The following ROCK2 variants were observed in gnomAD, a reference collection of about 807,000 sequenced individuals.
ROCK2 encodes the protein rho-associated protein kinase 2.
A neutral mutation model predicts 195.1 loss-of-function variants in ROCK2; 61 were observed. That is an observed-to-expected ratio of 0.31 (90% CI 0.25 to 0.39). ROCK2 has a LOEUF of 0.39. Ranked by LOEUF, ROCK2 falls within the 10% of genes least tolerant of loss-of-function variation. The probability of loss-of-function intolerance (pLI) is 1.00; values close to 1 mark genes in which losing one functional copy is unlikely to be tolerated. For synonymous variants in ROCK2, 504 were observed against 545.5 expected (o/e 0.92, Z 1.06); for missense variants, 1,109 against 1,637.4 (o/e 0.68, Z 5.57).
At chr2:11,185,548 G>A (rs562262379) in intron 32 of ROCK2, among the ~76,000 whole-genome samples, 2 of 152,238 alleles carry the variant, frequency 1.3e-5, no homozygotes, top group Admixed American at 1.3e-4. Context: ...GGCCAACATG[G>A]TGAAACCATG....
At chr2:11,203,376 CAG>C (rs1663933680) in intron 20 of ROCK2, among the ~76,000 whole-genome samples, 1 of 152,078 alleles carries the variant, frequency 6.6e-6, no homozygotes, top group South Asian at 2.1e-4. Context: ...GATAAAGGCA[CAG>C]AAAACAGTCT....
Position 11,197,412 on chromosome 2 carries a change from G to C in ROCK2, c.3280-64C>G, listed in dbSNP as rs1663682948. On this transcript the variant is annotated intron_variant, in intron 26 of 32. Coordinates refer to ENST00000315872, the MANE Select transcript of ROCK2 (RefSeq NM_004850.5). The surrounding 1 kb of genome is among the most constrained non-coding windows in gnomAD (Gnocchi z 4.9). ...ACATAACTCAACATTTTGCTTCTTG[G>C]TTCAATAATAATTATTAAATAGAAA... 8 of 1,542,074 alleles carry C rather than the reference G, an allele frequency of 5.2e-6. No individual in the cohort carries two copies. In the South Asian group the frequency reaches 9.5e-5, roughly 18 times the overall value.
At chr2:11,344,815 C>T (rs551861092), upstream of ROCK2, among the ~76,000 whole-genome samples, 1 of 150,870 alleles carries the variant, frequency 6.6e-6, no homozygotes, top group East Asian at 1.9e-4. This position sits in a 1 kb window ranked among gnomAD's most constrained non-coding sequence, Gnocchi z 5.4. Context: ...CTCGCCCGCC[C>T]TCGCCTCCTC....
chr2:11,303,630 A>C (rs796127684), intron 1 of ROCK2, among the ~76,000 whole-genome samples: 3 of 152,006 alleles, frequency 2.0e-5, no homozygotes, highest in African/African-American at 7.2e-5. Context: ...AAATCCCTTG[A>C]CCCTACCTCC....
chr2:11,247,284 T>C (rs1665649757), intron 4 of ROCK2, among the ~76,000 whole-genome samples: 1 of 152,128 alleles, frequency 6.6e-6, no homozygotes, highest in South Asian at 2.1e-4. Flanking sequence ...AATTAGGTAA[T>C]GGTGATGGTT....
chr2:11,300,918 C>T (rs1430431341), intron 1 of ROCK2, among the ~76,000 whole-genome samples: 2 of 152,110 alleles, frequency 1.3e-5, no homozygotes, highest in Non-Finnish European at 2.9e-5. Context: ...TTAGTAACTA[C>T]AGCCACTAAC....
At chr2:11,275,993 C>A (rs1050204933) in intron 3 of ROCK2, among the ~76,000 whole-genome samples, 8 of 152,020 alleles carry the variant, frequency 5.3e-5, no homozygotes, top group Non-Finnish European at 1.0e-4. Context: ...AGCCACCGTG[C>A]CCTGCCTCAA....
At chr2:11,284,040 T>A (rs1667106685) in intron 3 of ROCK2, among the ~76,000 whole-genome samples, 1 of 152,182 alleles carries the variant, frequency 6.6e-6, no homozygotes, top group Non-Finnish European at 1.5e-5. Flanking sequence ...GGATAAACTT[T>A]GGTACAGCCA....
intron 1 of ROCK2, among the ~76,000 whole-genome samples, chr2:11,326,735 A>C (rs566823189): frequency 6.6e-6 from 1 of 152,346 alleles, no homozygotes; most frequent in East Asian, 1.9e-4. Flanking sequence ...GGAAGAAAAG[A>C]ATAAGACCCA....
chr2:11,308,163 C>G, intron 1 of ROCK2: 2 of 1,601,740 alleles, frequency 1.2e-6, no homozygotes, highest in South Asian at 1.1e-5. Context: ...AAAAGAGGCC[C>G]AAGCTCAACA....
chr2:11,339,336 T>C (rs569399770), intron 1 of ROCK2, among the ~76,000 whole-genome samples: 1 of 152,274 alleles, frequency 6.6e-6, no homozygotes, highest in East Asian at 1.9e-4. Flanking sequence ...CTGTCGATTT[T>C]TTCACCCTTA....
rs1446917935 is a variant in ROCK2 at position 11,211,702 on chromosome 2, C to T, written c.2182G>A (p.Ala728Thr). 1 of 1,605,804 alleles carries T rather than the reference C, an allele frequency of 6.2e-7. No homozygotes were observed. Among genetic ancestry groups the T allele is most frequent in the Non-Finnish European group, 8.5e-7 (1 of 1,177,030 alleles). ...ATACCTTTCATGGCTTCTGATTTGGCTTCTTCGATGGACTCATAGATCTTA... is the reference window on the plus strand; with the variant it reads ...ATACCTTTCATGGCTTCTGATTTGGTTTCTTCGATGGACTCATAGATCTTA... ...KNKIYESIEEAKSEAMKEMEK... is the reference protein window; with the variant it reads ...KNKIYESIEETKSEAMKEMEK... The change falls in exon 18 of 33, where the codon GCC becomes ACC. Residue 728 changes from alanine to threonine, a missense_variant. Physicochemically the swap from Ala to Thr is moderately conservative, Grantham distance 58 (BLOSUM62 0). This residue lies in a region of ROCK2 where 542 missense variants were observed against 672.0 expected (regional missense o/e 0.81). Coordinates refer to ENST00000315872, the MANE Select transcript of ROCK2 (RefSeq NM_004850.5).
intron 1 of ROCK2, among the ~76,000 whole-genome samples, chr2:11,325,965 A>G (rs566890580): frequency 6.6e-6 from 1 of 152,220 alleles, no homozygotes; most frequent in Admixed American, 6.5e-5. Context: ...GCCTGATCGA[A>G]GCTAAATGGA....
At position 11,221,312 on chromosome 2, in the gene ROCK2, C is replaced by A; in HGVS notation, c.1145G>T (p.Ser382Ile). The change falls in exon 9 of 33, where the codon AGC becomes ATC. Residue 382 changes from serine (S) to isoleucine (I), a missense_variant. Ser to Ile is a moderately radical substitution (Grantham distance 142). Coordinates refer to ENST00000315872, the MANE Select transcript of ROCK2 (RefSeq NM_004850.5). Reference protein sequence around the residue: ...VPELSSDIDSSNFDDIEDDKG... With the variant: ...VPELSSDIDSINFDDIEDDKG... ...GTCATCTTCAATGTCATCGAAATTG[C>A]TGCTGTCTATGTCACTGCTGAGTTC... is the stretch of plus-strand genomic sequence containing the variant. 6.3e-7 allele frequency: 1 copy of A among 1,592,280 alleles called. No individual in the cohort carries two copies. Among genetic ancestry groups the A allele is most frequent in the South Asian group, 1.2e-5 (1 of 84,836 alleles).
At chr2:11,200,742 C>G (rs1018240421) in intron 23 of ROCK2, among the ~76,000 whole-genome samples, 1 of 152,026 alleles carries the variant, frequency 6.6e-6, no homozygotes, top group Non-Finnish European at 1.5e-5. Flanking sequence ...GACCCTTTCA[C>G]TTTAGACCTT....
intron 3 of ROCK2, among the ~76,000 whole-genome samples, chr2:11,269,510 CAAAAAA>C (rs61527035): frequency 1.2e-4 from 16 of 136,582 alleles, no homozygotes; most frequent in Middle Eastern, 7.6e-3. Flanking sequence ...GACTCCATCT[CAAAAAA>C]AAAAAAAAAA....
chr2:11,338,859 T>C (rs1669016710), intron 1 of ROCK2, among the ~76,000 whole-genome samples: 1 of 151,542 alleles, frequency 6.6e-6, no homozygotes, highest in Admixed American at 6.6e-5. Context: ...AAGTATATAC[T>C]ATATGATTCC....
intron 1 of ROCK2, among the ~76,000 whole-genome samples, chr2:11,334,844 T>TA (rs1668875569): frequency 6.6e-6 from 1 of 150,598 alleles, no homozygotes; most frequent in Admixed American, 6.6e-5. Flanking sequence ...CCCTTGAAAA[T>TA]AAAATGTCTA....
At chr2:11,261,692 C>T (rs576838275) in intron 3 of ROCK2, among the ~76,000 whole-genome samples, 2 of 152,226 alleles carry the variant, frequency 1.3e-5, no homozygotes, top group South Asian at 2.1e-4. Context: ...TGGCAGGCAC[C>T]TGTAATCCCA....
Sources: allele counts gnomAD v4.1 joint callset (sites outside exome capture counted in the v4.1 genomes callset), GRCh38; gene constraint gnomAD v4.1.1; regional missense constraint gnomAD v4.1.1; non-coding constraint Gnocchi (gnomAD v3.1); transcripts MANE v1.5; gene names NCBI Gene and HGNC (gene_info 2026-07-23, HGNC 2026-07-21).